The following TAF2 variants were observed in gnomAD, a reference collection of about 807,000 sequenced individuals.
TAF2 encodes the protein TATA-box binding protein associated factor 2.
TAF2 carries 61 observed loss-of-function variants against 138.5 expected under a neutral mutation model. The observed-to-expected ratio is 0.44, with a 90% CI of 0.36 to 0.54. TAF2 has a LOEUF of 0.54. Ranked by LOEUF, TAF2 falls within the 20% of genes least tolerant of loss-of-function variation. TAF2 has a pLI of 0.00. For missense variants in TAF2, 1,090 were observed against 1,427.9 expected, an observed-to-expected ratio of 0.76 and a Z score of 3.81; for synonymous variants, 475 against 469.9, an observed-to-expected ratio of 1.01 and a Z score of -0.14.
chr8:119,773,753 C>G (rs1822010576), intron 18 of TAF2, among the ~76,000 whole-genome samples: 1 of 151,618 alleles, frequency 6.6e-6, no homozygotes, highest in African/African-American at 2.4e-5. Flanking sequence ...ACTTACAGCT[C>G]TCTCTAGATT....
At chr8:119,817,229 T>C (rs1825535995) in intron 3 of TAF2, among the ~76,000 whole-genome samples, 1 of 152,138 alleles carries the variant, frequency 6.6e-6, no homozygotes, top group Admixed American at 6.6e-5. Context: ...ATAAATATAA[T>C]ATATATACAG....
At position 119,762,450 on chromosome 8, in the gene TAF2, T is replaced by C. The variant is rs1821130430; in HGVS notation, c.2523A>G (p.Lys841=). 1 of 1,613,898 alleles carries C rather than the reference T, an allele frequency of 6.2e-7. No individual in the cohort carries two copies. The highest frequency in any genetic ancestry group is 1.7e-5 in the Admixed American group (1 of 60,010). The change falls in exon 19 of 26, where the codon AAA becomes AAG. Residue 841 remains lysine, a synonymous_variant. Transcript: ENST00000378164. ...EEITRFLNME[K]LLPSYRHTIT... Reference sequence around the variant, plus strand: ...TGGTATGCCTGTAACTCGGAAGAAGTTTTTCCATATTCAAAAATCTGGTGA... The same window carrying C: ...TGGTATGCCTGTAACTCGGAAGAAGCTTTTCCATATTCAAAAATCTGGTGA...
chr8:119,736,637 T>C (rs1322298475), intron 25 of TAF2, among the ~76,000 whole-genome samples: 1 of 152,308 alleles, frequency 6.6e-6, no homozygotes, highest in South Asian at 2.1e-4. Flanking sequence ...TGAAGAGAAA[T>C]TTAGCTTTAT....
At chr8:119,770,083 A>G (rs559830462) in intron 18 of TAF2, among the ~76,000 whole-genome samples, 5 of 151,448 alleles carry the variant, frequency 3.3e-5, no homozygotes, top group African/African-American at 1.2e-4. Flanking sequence ...TTAAATGAAC[A>G]AAGTCTTCAA....
intron 3 of TAF2, among the ~76,000 whole-genome samples, chr8:119,807,869 C>A (rs1824772209): frequency 6.6e-6 from 1 of 152,136 alleles, no homozygotes; most frequent in Non-Finnish European, 1.5e-5. Flanking sequence ...TTGCAGTGAG[C>A]TGAGATTGCA....
At chr8:119,812,255 G>A (rs1007621721) in intron 3 of TAF2, among the ~76,000 whole-genome samples, 1 of 151,964 alleles carries the variant, frequency 6.6e-6, no homozygotes, top group African/African-American at 2.4e-5. Flanking sequence ...TAACTACCTG[G>A]GCCATAACAG....
rs1823598868 is a variant in TAF2, at chr8:119,793,598, G to C, written c.1192-147C>G. 9 of 657,832 alleles carry C rather than the reference G, an allele frequency of 1.4e-5. No homozygotes were observed. The South Asian group carries it at 1.5e-4, about 11-fold the overall frequency. 40.7% of individuals were successfully genotyped at this position (657,832 alleles called of 1,614,324 possible). A position where few individuals can be genotyped will look rare whatever the true frequency, so the allele number is the denominator to read the frequency against. On this transcript the variant is annotated intron_variant, in intron 9 of 25. Coordinates refer to ENST00000378164, the MANE Select transcript of TAF2 (RefSeq NM_003184.4). ...ATAAGTGAAATGTATTTAAAGAGTA[G>C]TTTATGTTCTTATAAATAAAGCAGC... is the stretch of plus-strand genomic sequence containing the variant.
intron 2 of TAF2, among the ~76,000 whole-genome samples, chr8:119,824,603 G>C (rs1265162634): frequency 6.6e-6 from 1 of 152,174 alleles, no homozygotes; most frequent in Non-Finnish European, 1.5e-5. Flanking sequence ...CACAGGCCCG[G>C]AGGCCTAGGA....
At chr8:119,820,866 TTC>T (rs920603753) in intron 2 of TAF2, among the ~76,000 whole-genome samples, 1 of 152,156 alleles carries the variant, frequency 6.6e-6, no homozygotes, top group Admixed American at 6.6e-5. Context: ...TTGATAAAGA[TTC>T]TGTGTTTAAA....
intron 22 of TAF2, among the ~76,000 whole-genome samples, chr8:119,748,275 CTT>C (rs1028062096): frequency 1.3e-5 from 2 of 151,814 alleles, no homozygotes; most frequent in African/African-American, 4.8e-5. Context: ...AAATATTAAA[CTT>C]TGTGGTTTTC....
chr8:119,828,451 T>C (rs1826234058), intron 2 of TAF2, among the ~76,000 whole-genome samples: 1 of 152,168 alleles, frequency 6.6e-6, no homozygotes, highest in African/African-American at 2.4e-5. Flanking sequence ...ACATCTGAAA[T>C]CTAGAGGATT....
At chr8:119,795,145 T>A (rs950084619) in intron 9 of TAF2, among the ~76,000 whole-genome samples, 5 of 152,178 alleles carry the variant, frequency 3.3e-5, no homozygotes, top group Non-Finnish European at 7.3e-5. Context: ...ACATTACTTG[T>A]ATAATGTCTA....
At chr8:119,803,817 G>C (rs1259992099) in intron 5 of TAF2, 61 bp downstream of exon 5, 8 of 1,451,114 alleles carry the variant, frequency 5.5e-6, no homozygotes, top group African/African-American at 1.4e-5. Context: ...TGTATGTCTT[G>C]CTTATACATA....
intron 20 of TAF2, 199 bp downstream of exon 20, chr8:119,760,400 A>G (rs974554425): frequency 5.1e-6 from 3 of 590,510 alleles, no homozygotes; most frequent in Admixed American, 3.4e-5. Context: ...AAAGATACCT[A>G]TAATTTTATT....
At chr8:119,762,635 A>G (rs765646092) in intron 18 of TAF2, 27 bp from the exon 19 acceptor site, 3 of 1,584,762 alleles carry the variant, frequency 1.9e-6, no homozygotes, top group Admixed American at 3.4e-5. Context: ...TTAAGTGAAG[A>G]TAACAAAATT....
chr8:119,826,029 CAT>C (rs1231458688), intron 2 of TAF2, among the ~76,000 whole-genome samples: 1 of 151,856 alleles, frequency 6.6e-6, no homozygotes, highest in African/African-American at 2.4e-5. Flanking sequence ...GCAAATACCA[CAT>C]GTTCTCACTC....
Position 119,744,356 on chromosome 8 carries a change from T to A in TAF2, c.3146A>T (p.Asp1049Val), listed in dbSNP as rs752834699. ...GAAGGCCTGGCTATCATGAACAGTA[T>A]CCATATCAATCTCCTCCTCATCTTG... ...SSQDEEEIDM[D>V]TVHDSQAFIS... The change falls in exon 24 of 26, where the codon GAT (aspartate) becomes GTT (valine). Residue 1049 changes from aspartate (D) to valine (V), a missense_variant. Physicochemically the swap from Asp to Val is radical, Grantham distance 152 (BLOSUM62 -3). This residue lies in a region of TAF2 where 580 missense variants were observed against 719.6 expected (regional missense o/e 0.81). Coordinates refer to ENST00000378164, the MANE Select transcript of TAF2 (RefSeq NM_003184.4). 2.5e-6 allele frequency: 4 copies of A among 1,613,740 alleles called. No homozygotes were observed. The South Asian group carries it at 4.4e-5, about 18-fold the overall frequency.
At chr8:119,743,513 C>G (rs186452164) in intron 24 of TAF2, among the ~76,000 whole-genome samples, 218 of 152,194 alleles carry the variant, frequency 1.4e-3, no homozygotes, top group African/African-American at 4.7e-3. Flanking sequence ...CAGATACTTG[C>G]TTTATTACTA....
At chr8:119,828,828 A>C (rs1322245149) in intron 2 of TAF2, among the ~76,000 whole-genome samples, 3 of 152,196 alleles carry the variant, frequency 2.0e-5, no homozygotes, top group Admixed American at 6.5e-5. Flanking sequence ...GGATTAGCAA[A>C]CTGTCTCTTA....
Sources: gnomAD v4.1 joint callset for allele counts (sites outside exome capture counted in the v4.1 genomes callset) on GRCh38, gnomAD v4.1.1 for gene constraint, gnomAD v4.1.1 regional missense constraint, MANE v1.5 for transcripts, NCBI Gene and HGNC (gene_info 2026-07-23, HGNC 2026-07-21) for gene names.